Variants in FGFR1 observed in about 807,000 individuals in gnomAD.
The protein encoded by FGFR1 is fibroblast growth factor receptor 1.
Under a neutral mutation model 93.7 loss-of-function variants are expected in FGFR1, and 18 were observed. The observed-to-expected ratio is 0.19, with a 90% CI of 0.13 to 0.28. The LOEUF (loss-of-function observed/expected upper bound fraction) is 0.28. Among genes scored for constraint, FGFR1 ranks in the 10% least tolerant of loss-of-function variants. The pLI, the probability that FGFR1 is intolerant of heterozygous loss-of-function variation, is 1.00. For synonymous variants in FGFR1, 448 were observed against 429.3 expected (o/e 1.04, Z -0.54); for missense variants, 731 against 1,080.4 (o/e 0.68, Z 4.53).
At chr8:38,453,483 C>T (rs4733930) in intron 2 of FGFR1, among the ~76,000 whole-genome samples, 58,508 of 152,134 alleles carry the variant, frequency 0.38, 11,534 homozygotes, top group South Asian at 0.49. Context: ...CAAGAGCCAA[C>T]AGTCAGTAAG....
At chr8:38,419,801 T>A (rs2150719592) in intron 8 of FGFR1, 66 bp from the exon 9 acceptor site, 2 of 1,422,636 alleles carry the variant, frequency 1.4e-6, no homozygotes. Flanking sequence ...TCCCGCTCCA[T>A]TAGAAAAGCA....
chr8:38,452,664 A>C (rs1029500147), intron 2 of FGFR1, among the ~76,000 whole-genome samples: 5 of 150,994 alleles, frequency 3.3e-5, no homozygotes, highest in African/African-American at 1.2e-4. Context: ...TGCTCGCCCT[A>C]TGATTTTTTT....
chr8:38,458,010 G>A (rs1359799194), intron 1 of FGFR1, among the ~76,000 whole-genome samples: 1 of 152,078 alleles, frequency 6.6e-6, no homozygotes, highest in African/African-American at 2.4e-5. Flanking sequence ...GTCTTAATTG[G>A]ACAGAGGGAT....
rs573993332 is a variant in FGFR1, at chr8:38,441,401, G to A, written c.92-11453C>T. ...TCACTGGGAGAAGGGCTGTAATTAA[G>A]TGATTAACAAAGGAATGCACCCAAG... On this transcript the variant is annotated intron_variant, in intron 2 of 17. Coordinates refer to ENST00000447712, the MANE Select transcript of FGFR1 (RefSeq NM_023110.3). Among the ~76,000 whole-genome samples, 8 of 152,254 alleles carry A rather than the reference G, an allele frequency of 5.3e-5. No individual in the cohort carries two copies. In the South Asian group the frequency reaches 1.2e-3, roughly 24 times the overall value.
chr8:38,451,371 T>C (rs992825292), intron 2 of FGFR1, among the ~76,000 whole-genome samples: 1 of 151,884 alleles, frequency 6.6e-6, no homozygotes, highest in Non-Finnish European at 1.5e-5. Flanking sequence ...CTACCAAACC[T>C]GTAGTACCTA....
intron 2 of FGFR1, among the ~76,000 whole-genome samples, chr8:38,453,356 G>A (rs1831716676): frequency 6.6e-6 from 1 of 152,342 alleles, no homozygotes; most frequent in African/African-American, 2.4e-5. Context: ...CATGGCCTAC[G>A]GACCAGGCAA....
At chr8:38,456,417 C>G (rs1832863698) in intron 2 of FGFR1, among the ~76,000 whole-genome samples, 1 of 152,168 alleles carries the variant, frequency 6.6e-6, no homozygotes. Context: ...TTCCAACACG[C>G]CATAGGTCTC....
intron 1 of FGFR1, chr8:38,461,222 G>C (rs1033295747): frequency 4.7e-6 from 6 of 1,276,702 alleles, no homozygotes; most frequent in Non-Finnish European, 5.4e-6. Context: ...AGCAGGGGCT[G>C]GACGGACCAC....
At chr8:38,441,935 GTCTA>G (rs546602836) in intron 2 of FGFR1, among the ~76,000 whole-genome samples, 6 of 152,320 alleles carry the variant, frequency 3.9e-5, no homozygotes, top group African/African-American at 1.4e-4. Context: ...TTGAACCCAA[GTCTA>G]TCTGTGTTTG....
rs760700056 is a variant in FGFR1, at chr8:38,414,298, G to C, written c.2049-9C>G. 1.9e-6 allele frequency: 3 copies of C among 1,613,994 alleles called. No individual in the cohort carries two copies. In the African/African-American group the frequency reaches 4.0e-5, roughly 22 times the overall value. On this transcript the variant is annotated splice_polypyrimidine_tract_variant and intron_variant, in intron 15 of 17. Coordinates refer to ENST00000447712, the MANE Select transcript of FGFR1 (RefSeq NM_023110.3). ...GCACCCCGAAAGACCACCTGCAAAT[G>C]GGCGGAGAGCCACAGGGTGTTAGAG...
chr8:38,440,241 C>T (rs927665606), intron 2 of FGFR1: 166 of 1,430,392 alleles, frequency 1.2e-4, no homozygotes, highest in Middle Eastern at 1.8e-4. Context: ...AGCGGGGCTC[C>T]GGGGGCCCTC....
At chr8:38,415,099 TC>T (rs2150569535) in intron 13 of FGFR1, among the ~76,000 whole-genome samples, 198 bp from the exon 14 acceptor site, 1 of 152,240 alleles carries the variant, frequency 6.6e-6, no homozygotes, top group South Asian at 2.1e-4. Context: ...GCTCCTCCCT[TC>T]CTTCCCCAAA....
intron 2 of FGFR1, among the ~76,000 whole-genome samples, chr8:38,437,151 C>T (rs1039909744): frequency 5.3e-5 from 8 of 152,124 alleles, no homozygotes; most frequent in Non-Finnish European, 1.0e-4. Flanking sequence ...ATTCTTGATT[C>T]TAAATCTGTG....
intron 2 of FGFR1, among the ~76,000 whole-genome samples, chr8:38,446,758 G>A (rs1332766721): frequency 2.6e-5 from 4 of 152,112 alleles, no homozygotes; most frequent in African/African-American, 9.7e-5. Flanking sequence ...AAATGTTAAT[G>A]TCCCAGCCTC....
chr8:38,428,710 C>A, intron 3 of FGFR1: 1 of 484,344 alleles, frequency 2.1e-6, no homozygotes. Flanking sequence ...TAATTCCGTC[C>A]TACATTCAAA....
At chr8:38,414,421 G>A (rs1267378371) in intron 15 of FGFR1, 132 bp from the exon 16 acceptor site, 11 of 1,536,594 alleles carry the variant, frequency 7.2e-6, no homozygotes, top group Non-Finnish European at 9.8e-6. Flanking sequence ...CTGGAGCAGA[G>A]GGAATGGCCA....
At chr8:38,433,049 G>A (rs1301424146) in intron 2 of FGFR1, among the ~76,000 whole-genome samples, 3 of 152,018 alleles carry the variant, frequency 2.0e-5, no homozygotes, top group East Asian at 1.9e-4. Context: ...CATCCAAAAC[G>A]TCCAGGGGCT....
intron 7 of FGFR1, 149 bp from the exon 8 acceptor site, chr8:38,422,090 A>G: frequency 1.1e-6 from 1 of 901,334 alleles, no homozygotes; most frequent in Non-Finnish European, 1.7e-6. Context: ...AACGAAAACC[A>G]CCAGGCAGCA....
In FGFR1 at chr8:38,429,952, C is replaced by T. The variant is rs2150967766; in HGVS notation, c.92-4G>A. 1.2e-6 allele frequency: 2 copies of T among 1,601,440 alleles called. No homozygotes were observed. Among genetic ancestry groups the T allele is most frequent in the East Asian group, 2.2e-5 (1 of 44,468 alleles). On this transcript the variant is annotated splice_region_variant and splice_polypyrimidine_tract_variant and intron_variant, in intron 2 of 17. Coordinates refer to ENST00000447712, the MANE Select transcript of FGFR1 (RefSeq NM_023110.3). The surrounding 1 kb of genome is among the most constrained non-coding windows in gnomAD (Gnocchi z 4.4). ...ACAGGGGCTCCCCAGGGCTGGGCTG[C>T]AGCCACCACGGGGCCGGGAAGGGAA... is the stretch of plus-strand genomic sequence containing the variant.
Sources: gnomAD v4.1 joint callset for allele counts (sites outside exome capture counted in the v4.1 genomes callset) on GRCh38, gnomAD v4.1.1 for gene constraint, Gnocchi (gnomAD v3.1) non-coding constraint, MANE v1.5 for transcripts, NCBI Gene and HGNC (gene_info 2026-07-23, HGNC 2026-07-21) for gene names.